The following XYLB variants were observed in gnomAD, a reference collection of about 807,000 sequenced individuals.
XYLB encodes xylulokinase.
Under a neutral mutation model 78.7 loss-of-function variants are expected in XYLB, and 62 were observed. That is an observed-to-expected ratio of 0.79 (90% CI 0.64 to 0.97). The LOEUF is 0.97. Ranked by LOEUF, XYLB falls within the 50% of genes least tolerant of loss-of-function variation. XYLB has a pLI of 0.00. For synonymous variants in XYLB, 245 were observed against 247.4 expected (o/e 0.99, Z 0.09); for missense variants, 687 against 676.8 (o/e 1.02, Z -0.17).
chr3:38,402,079 C>A (rs1708144567), intron 18 of XYLB, among the ~76,000 whole-genome samples: 1 of 151,924 alleles, frequency 6.6e-6, no homozygotes, highest in Admixed American at 6.6e-5. Flanking sequence ...CCTCATTTTC[C>A]CTTGGCCCCC....
At chr3:38,361,293 C>T (rs972500738) in intron 3 of XYLB, among the ~76,000 whole-genome samples, 2 of 152,084 alleles carry the variant, frequency 1.3e-5, no homozygotes, top group African/African-American at 4.8e-5. Flanking sequence ...CAGGGGCTAC[C>T]TCATCATATG....
chr3:38,428,769 T>C, the XYLB span, among the ~76,000 whole-genome samples: 10 of 152,258 alleles, frequency 6.6e-5, no homozygotes, highest in Non-Finnish European at 1.2e-4. Flanking sequence ...TGATGTGGTT[T>C]CTTTAAATCC....
chr3:38,426,170 T>A (rs1236972664), downstream of XYLB, among the ~76,000 whole-genome samples: 1 of 152,218 alleles, frequency 6.6e-6, no homozygotes, highest in Non-Finnish European at 1.5e-5. Flanking sequence ...GCAGACTATG[T>A]AAATAATTGG....
the XYLB span, among the ~76,000 whole-genome samples, chr3:38,428,012 G>A: frequency 2.0e-5 from 3 of 152,240 alleles, no homozygotes; most frequent in Admixed American, 2.0e-4. Flanking sequence ...ACTGCATCCC[G>A]TAAATTTTCA....
intron 2 of XYLB, 40 bp from the exon 3 acceptor site, chr3:38,360,299 G>A (rs2234603): frequency 1.0e-5 from 16 of 1,585,970 alleles, no homozygotes; most frequent in Non-Finnish European, 1.4e-5. Flanking sequence ...TGGTCTGCCT[G>A]CCCTGAGGCT....
chr3:38,397,044 C>A (rs894657322), intron 16 of XYLB, 28 bp from the exon 17 acceptor site: 2 of 1,611,742 alleles, frequency 1.2e-6, no homozygotes, highest in African/African-American at 2.7e-5. Flanking sequence ...AATGGCTCAC[C>A]ACAGTAGAAC....
At chr3:38,379,460 A>G in intron 15 of XYLB, 118 bp downstream of exon 15, 1 of 961,834 alleles carries the variant, frequency 1.0e-6, no homozygotes. Context: ...GGACTTGTGC[A>G]GGAGGGAGGT....
downstream of XYLB, among the ~76,000 whole-genome samples, chr3:38,425,956 CAAG>C (rs1300999057): frequency 6.6e-6 from 1 of 152,180 alleles, no homozygotes; most frequent in Admixed American, 6.5e-5. Flanking sequence ...GGTAAGAACC[CAAG>C]AAGGAGTATG....
intron 18 of XYLB, among the ~76,000 whole-genome samples, chr3:38,404,044 G>A (rs1369137370): frequency 1.3e-5 from 2 of 152,168 alleles, no homozygotes; most frequent in Admixed American, 6.5e-5. Flanking sequence ...GGCACCTACA[G>A]CACTGCTTGT....
the XYLB span, among the ~76,000 whole-genome samples, chr3:38,444,102 G>C: frequency 1.3e-5 from 2 of 152,118 alleles, no homozygotes; most frequent in Non-Finnish European, 2.9e-5. Flanking sequence ...TAAAGGCCAG[G>C]GTTTGATCTC....
chr3:38,349,330 C>T (rs1366259650), intron 2 of XYLB, among the ~76,000 whole-genome samples: 1 of 152,176 alleles, frequency 6.6e-6, no homozygotes, highest in Non-Finnish European at 1.5e-5. Context: ...ATTCTAAAAG[C>T]TATGGTCAGC....
At chr3:38,364,376 C>T (rs1315576478) in intron 4 of XYLB, among the ~76,000 whole-genome samples, 3 of 151,964 alleles carry the variant, frequency 2.0e-5, no homozygotes, top group Non-Finnish European at 2.9e-5. Flanking sequence ...CCCCGTGACT[C>T]CCACAAGCCT....
chr3:38,363,950 CA>C (rs1159881816), intron 4 of XYLB, among the ~76,000 whole-genome samples: 2 of 152,138 alleles, frequency 1.3e-5, no homozygotes, highest in Non-Finnish European at 2.9e-5. Context: ...CATGACCTAA[CA>C]GGAATTTATT....
chr3:38,449,157 T>G, the XYLB span, among the ~76,000 whole-genome samples: 1 of 152,142 alleles, frequency 6.6e-6, no homozygotes, highest in African/African-American at 2.4e-5. Context: ...CAAGTCTTGC[T>G]CTGTTGCCAG....
At chr3:38,361,406 A>G (rs1025211655) in intron 3 of XYLB, among the ~76,000 whole-genome samples, 25 of 151,090 alleles carry the variant, frequency 1.7e-4, no homozygotes, top group African/African-American at 5.9e-4. Context: ...TCCCTATATT[A>G]CATTCTTTTT....
chr3:38,361,394 A>G (rs1468592310), intron 3 of XYLB, among the ~76,000 whole-genome samples: 2 of 150,862 alleles, frequency 1.3e-5, no homozygotes, highest in African/African-American at 5.0e-5. Flanking sequence ...TATCTAACCA[A>G]TTCCCTATAT....
chr3:38,383,032 A>C (rs888223332), intron 15 of XYLB, among the ~76,000 whole-genome samples: 5 of 152,196 alleles, frequency 3.3e-5, no homozygotes, highest in African/African-American at 1.2e-4. Flanking sequence ...TTTGGCTTTA[A>C]TAGTGTCTAA....
chr3:38,415,951 A>T (rs1367762157), downstream of XYLB, among the ~76,000 whole-genome samples: 1 of 152,170 alleles, frequency 6.6e-6, no homozygotes, highest in Non-Finnish European at 1.5e-5. Flanking sequence ...GAGAGCATGG[A>T]CGCACAAGAG....
At chr3:38,381,173 G>A (rs557535730) in intron 15 of XYLB, among the ~76,000 whole-genome samples, 13 of 152,190 alleles carry the variant, frequency 8.5e-5, no homozygotes, top group Non-Finnish European at 1.5e-4. Flanking sequence ...AGATTTCATG[G>A]ACATTTATTA....
Sources: allele counts gnomAD v4.1 joint callset (sites outside exome capture counted in the v4.1 genomes callset), GRCh38; gene constraint gnomAD v4.1.1; transcripts MANE v1.5; gene names NCBI Gene and HGNC (gene_info 2026-07-23, HGNC 2026-07-21).